Variants in GALM observed in about 807,000 individuals in gnomAD.
The protein encoded by GALM is galactose mutarotase.
A neutral mutation model predicts 37.4 loss-of-function variants in GALM; 43 were observed. That is an observed-to-expected ratio of 1.15 (90% confidence interval 0.90 to 1.48). The LOEUF (loss-of-function observed/expected upper bound fraction) is 1.48. Ranked by LOEUF, GALM falls within the 40% of genes most tolerant of loss-of-function variation. The pLI is 0.00. For synonymous variants in GALM, 199 were observed against 170.6 expected (o/e 1.17, Z -1.30); for missense variants, 456 against 419.1 (o/e 1.09, Z -0.77).
chr2:38,729,601 C>A lies in GALM; in HGVS notation c.680C>A (p.Pro227Gln). Residue 227 changes from proline (P) to glutamine (Q), a missense_variant, in exon 5 of 7, where the codon CCA becomes CAA. Transcript: ENST00000272252. ...GGCACTGCATTCGACCTGAGAAAGC[C>A]AGTGGAGCTTGGAAAACACCTGCAG... ...VQGTAFDLRK[P>Q]VELGKHLQDF... 1 of 1,613,508 alleles carries A rather than the reference C, an allele frequency of 6.2e-7. No individual in the cohort carries two copies. Among genetic ancestry groups the A allele is most frequent in the African/African-American group, 1.3e-5 (1 of 75,006 alleles).
intron 4 of GALM, among the ~76,000 whole-genome samples, chr2:38,693,038 T>TG (rs1665715276): frequency 6.6e-6 from 1 of 152,088 alleles, no homozygotes; most frequent in Admixed American, 6.6e-5. Context: ...ATCCCTAGGG[T>TG]GGCCCTGGGT....
chr2:38,713,243 A>G (rs1012004647), intron 4 of GALM, among the ~76,000 whole-genome samples: 2 of 152,318 alleles, frequency 1.3e-5, no homozygotes, highest in East Asian at 3.9e-4. Context: ...TGTTCCCCTC[A>G]TGAAATCATC....
In GALM at chr2:38,733,526, G is replaced by GT; in HGVS notation, c.991dup (p.Tyr331LeufsTer2). ...CTGTGCTGCTGAGGCCTGGTGAGGA[G>GT]TATGACCACACCACCTGGTTCAAGT... On this transcript the variant is annotated frameshift_variant, in exon 7 of 7. Coordinates refer to ENST00000272252, the MANE Select transcript of GALM (RefSeq NM_138801.3). LOFTEE classifies it high-confidence loss of function. The GT allele has an allele frequency of 6.2e-7, 1 of 1,614,010 alleles. No homozygotes were observed. The highest frequency in any genetic ancestry group is 8.5e-7 in the Non-Finnish European group (1 of 1,179,910).
chr2:38,731,198 C>T (rs1291561735), intron 5 of GALM, among the ~76,000 whole-genome samples: 2 of 151,596 alleles, frequency 1.3e-5, no homozygotes, highest in Non-Finnish European at 2.9e-5. Flanking sequence ...CTGCACTCCT[C>T]CCTGGGTGAC....
At chr2:38,670,309 A>T (rs1444661622) in intron 1 of GALM, among the ~76,000 whole-genome samples, 1 of 152,174 alleles carries the variant, frequency 6.6e-6, no homozygotes, top group East Asian at 1.9e-4. Context: ...TGTTTCCCCC[A>T]GTTGCCACCA....
chr2:38,708,604 G>C (rs1666089043), intron 4 of GALM, among the ~76,000 whole-genome samples: 1 of 152,046 alleles, frequency 6.6e-6, no homozygotes, highest in Non-Finnish European at 1.5e-5. Context: ...AGCCAGGTAT[G>C]GTGGCGGGCG....
At chr2:38,723,497 T>C (rs2148456058) in intron 4 of GALM, among the ~76,000 whole-genome samples, 1 of 152,246 alleles carries the variant, frequency 6.6e-6, no homozygotes, top group Admixed American at 6.5e-5. Context: ...CTCTTTCTAA[T>C]AAAACTCCCG....
At chr2:38,687,049 G>C (rs1210657235) in intron 3 of GALM, among the ~76,000 whole-genome samples, 1 of 152,146 alleles carries the variant, frequency 6.6e-6, no homozygotes. Flanking sequence ...CACACCCCTT[G>C]TCTCGACTGA....
chr2:38,703,464 A>G (rs955721599), intron 4 of GALM, among the ~76,000 whole-genome samples: 1 of 151,980 alleles, frequency 6.6e-6, no homozygotes, highest in Non-Finnish European at 1.5e-5. Context: ...AAACCAAGAT[A>G]TAGGTCTCCG....
At chr2:38,705,288 G>A (rs1029383735) in intron 4 of GALM, among the ~76,000 whole-genome samples, 2 of 152,120 alleles carry the variant, frequency 1.3e-5, no homozygotes, top group East Asian at 1.9e-4. Flanking sequence ...CTTGGGCAAC[G>A]GACCTGATGT....
intron 4 of GALM, among the ~76,000 whole-genome samples, chr2:38,715,486 G>A (rs1468031736): frequency 2.0e-5 from 3 of 152,190 alleles, no homozygotes; most frequent in African/African-American, 7.2e-5. Context: ...TGCCCAGGCT[G>A]AAGTGCAGTG....
chr2:38,698,513 T>TA (rs1241787730), intron 4 of GALM: 29,950 of 512,454 alleles, frequency 0.058, no homozygotes, highest in South Asian at 0.089. Flanking sequence ...CTTAGCTACT[T>TA]AAAAAAAAAA....
In GALM at chr2:38,732,040, G is replaced by A. The variant is rs115010896; in HGVS notation, c.951+131G>A. 1,623 of 831,476 alleles carry A rather than the reference G, an allele frequency of 2.0e-3. 17 individuals are homozygous for A. In the African/African-American group the frequency reaches 0.024, roughly 12 times the overall value. 51.5% of individuals were successfully genotyped at this position (831,476 alleles called of 1,614,324 possible). On this transcript the variant is annotated intron_variant, in intron 6 of 6. Coordinates refer to ENST00000272252, the MANE Select transcript of GALM (RefSeq NM_138801.3). ...TTTGTTTGTTTGGTTTGTTTTTTGA[G>A]ACAGAGTCTCACTCTTGTCGCCTAG... is the stretch of plus-strand genomic sequence containing the variant.
At chr2:38,728,093 A>G (rs1666523172) in intron 4 of GALM, among the ~76,000 whole-genome samples, 1 of 147,412 alleles carries the variant, frequency 6.8e-6, no homozygotes, top group African/African-American at 2.4e-5. Context: ...CAGCTCTGGG[A>G]CTATAAGAAA....
At chr2:38,718,268 C>T (rs1460518220) in intron 4 of GALM, among the ~76,000 whole-genome samples, 1 of 149,518 alleles carries the variant, frequency 6.7e-6, no homozygotes, top group Non-Finnish European at 1.5e-5. Context: ...GGCGCAATCT[C>T]GGCCCACTGC....
intron 4 of GALM, among the ~76,000 whole-genome samples, chr2:38,711,643 G>C (rs1666162764): frequency 6.9e-6 from 1 of 145,868 alleles, no homozygotes; most frequent in South Asian, 2.2e-4. Context: ...TCTGGAATGA[G>C]ACTGCCTAGT....
chr2:38,731,826 T>C lies in GALM; in HGVS notation c.868T>C (p.Leu290=). Residue 290 remains leucine (L), a synonymous_variant, in exon 6 of 7, where the codon TTA becomes CTA. Transcript: ENST00000272252. ...FYTGNFLDGT[L]KGKNGAVYPK... Reference sequence around the variant, plus strand: ...CACGGGCAACTTCCTGGATGGCACATTAAAGGGCAAGAATGGAGCTGTCTA... The same window carrying C: ...CACGGGCAACTTCCTGGATGGCACACTAAAGGGCAAGAATGGAGCTGTCTA... 6.2e-7 allele frequency: 1 copy of C among 1,614,032 alleles called. No homozygotes were observed. Among genetic ancestry groups the C allele is most frequent in the Non-Finnish European group, 8.5e-7 (1 of 1,179,976 alleles).
intron 4 of GALM, among the ~76,000 whole-genome samples, chr2:38,719,774 CAA>C (rs34403810): frequency 5.1e-5 from 6 of 118,510 alleles, no homozygotes; most frequent in Admixed American, 1.8e-4. Context: ...AATTCTGTCT[CAA>C]AAAAAAAAAA....
chr2:38,689,865 T>A lies in GALM; in HGVS notation c.605T>A (p.Leu202Ter). 6.2e-7 allele frequency: 1 copy of A among 1,611,070 alleles called. No individual in the cohort carries two copies. The highest frequency in any genetic ancestry group is 1.1e-5 in the South Asian group (1 of 90,896). ...HEVTIEADTY[L>*]PVDETLIPTG... Reference sequence around the variant, plus strand: ...GTCACCATAGAAGCGGATACTTATTTGCCTGTGGATGAAACCCTGATTCCT... The same window carrying A: ...GTCACCATAGAAGCGGATACTTATTAGCCTGTGGATGAAACCCTGATTCCT... Residue 202 changes from leucine to a stop codon, truncating the protein, a stop_gained, in exon 4 of 7, where the codon TTG (leucine) becomes TAG (stop). Transcript: ENST00000272252. LOFTEE classifies it high-confidence loss of function.
Sources: gnomAD v4.1 joint callset for allele counts (sites outside exome capture counted in the v4.1 genomes callset) on GRCh38, gnomAD v4.1.1 for gene constraint, MANE v1.5 for transcripts, NCBI Gene and HGNC (gene_info 2026-07-23, HGNC 2026-07-21) for gene names.